MICU1: variants seen among roughly 807,000 people sequenced by gnomAD.
The protein encoded by MICU1 is calcium uptake protein 1, mitochondrial.
In MICU1, 45 loss-of-function variants were observed where a neutral mutation model predicts 56.8. The ratio of observed to expected loss-of-function variants is 0.79; its 90% CI spans 0.62 to 1.02. The LOEUF (loss-of-function observed/expected upper bound fraction) is 1.02, where lower values mean the gene tolerates loss of function less well. Ranked by LOEUF, MICU1 falls within the 50% of genes least tolerant of loss-of-function variation. The pLI, the probability that MICU1 is intolerant of heterozygous loss-of-function variation, is 0.00. For missense variants in MICU1, 504 were observed against 587.1 expected, an observed-to-expected ratio of 0.86 and a Z score of 1.46; for synonymous variants, 186 against 195.1, an observed-to-expected ratio of 0.95 and a Z score of 0.39.
At chr10:72,563,848 C>A (rs1840358590) in intron 2 of MICU1, among the ~76,000 whole-genome samples, 2 of 152,140 alleles carry the variant, frequency 1.3e-5, no homozygotes, top group South Asian at 4.1e-4. Context: ...TCTTCCCATT[C>A]TCATTCTCCC....
At chr10:72,570,470 A>G (rs924694205) in intron 1 of MICU1, among the ~76,000 whole-genome samples, 1 of 152,200 alleles carries the variant, frequency 6.6e-6, no homozygotes, top group Non-Finnish European at 1.5e-5. Context: ...ACATTTAAGT[A>G]TACTCTAAGT....
At chr10:72,602,724 T>C (rs1018693107) in intron 1 of MICU1, among the ~76,000 whole-genome samples, 24 of 152,242 alleles carry the variant, frequency 1.6e-4, no homozygotes, top group African/African-American at 5.5e-4. Flanking sequence ...GCATATCTTA[T>C]GGACTTCCTT....
chr10:72,500,293 TATA>T (rs1867013841), intron 6 of MICU1, among the ~76,000 whole-genome samples: 2 of 9,666 alleles, frequency 2.1e-4, no homozygotes, highest in Non-Finnish European at 9.4e-4. Context: ...TATATATATA[TATA>T]TATATATTTT....
chr10:72,481,275 C>G (rs531552238), intron 6 of MICU1, among the ~76,000 whole-genome samples: 230 of 152,280 alleles, frequency 1.5e-3, no homozygotes, highest in Non-Finnish European at 2.3e-3. Flanking sequence ...TTATTTGTCT[C>G]CTCTCAAATG....
At position 72,475,258 on chromosome 10, in the gene MICU1, G is replaced by A. The variant is rs367648335; in HGVS notation, c.775C>T (p.Arg259Cys). ...IIRSQTSMGM[R>C]HRDRPTTGNT... ...CCAGTAGTTGGACGATCTCTGTGGC[G>A]CATACCCATACTGGTTTGGGAGCGA... Residue 259 changes from arginine to cysteine, a missense_variant, in exon 8 of 12, where the codon CGC (arginine) becomes TGC (cysteine). Arg to Cys is a radical substitution (Grantham distance 180). Coordinates refer to ENST00000361114, the MANE Select transcript of MICU1 (RefSeq NM_001195518.2). 11 of 1,608,370 alleles carry A rather than the reference G, an allele frequency of 6.8e-6. No individual in the cohort carries two copies. The highest frequency in any genetic ancestry group is 2.7e-5 in the African/African-American group (2 of 74,826).
chr10:72,476,962 T>C (rs1033081133), intron 7 of MICU1, among the ~76,000 whole-genome samples: 1 of 152,158 alleles, frequency 6.6e-6, no homozygotes, highest in Admixed American at 6.5e-5. Flanking sequence ...ACCTTAACGG[T>C]ATGTTCAAAT....
chr10:72,517,548 C>T (rs1308295797), intron 5 of MICU1, among the ~76,000 whole-genome samples: 3 of 152,068 alleles, frequency 2.0e-5, no homozygotes, highest in Non-Finnish European at 4.4e-5. Context: ...TGTATGTTCT[C>T]ATTCATAAGT....
chr10:72,568,179 C>T (rs192313440), intron 1 of MICU1, among the ~76,000 whole-genome samples: 7 of 152,040 alleles, frequency 4.6e-5, no homozygotes, highest in Admixed American at 4.6e-4. Flanking sequence ...GGAAGCCCTC[C>T]TCCCTACCAG....
At chr10:72,531,169 T>C (rs1839470585) in intron 5 of MICU1, among the ~76,000 whole-genome samples, 1 of 152,088 alleles carries the variant, frequency 6.6e-6, no homozygotes, top group Non-Finnish European at 1.5e-5. Flanking sequence ...TAAGATTTAA[T>C]AGTTTATCTT....
chr10:72,429,274 G>C (rs1173248957), intron 8 of MICU1, among the ~76,000 whole-genome samples: 1 of 151,898 alleles, frequency 6.6e-6, no homozygotes, highest in African/African-American at 2.4e-5. Context: ...ATAAAAATTA[G>C]CCGGGTCTGG....
At chr10:72,573,307 C>CAAAAAAAAAAAAAA (rs58866778) in intron 1 of MICU1, among the ~76,000 whole-genome samples, 2 of 21,036 alleles carry the variant, frequency 9.5e-5, no homozygotes, top group African/African-American at 2.2e-4. Context: ...CCCATCACTA[C>CAAAAAAAAAAAAAA]AAAAAAAAAA....
chr10:72,410,096 G>A (rs1417973762), intron 9 of MICU1, among the ~76,000 whole-genome samples: 1 of 152,106 alleles, frequency 6.6e-6, no homozygotes, highest in African/African-American at 2.4e-5. Context: ...ATCTGTTGTG[G>A]AACAGTAGAA....
intron 11 of MICU1, among the ~76,000 whole-genome samples, chr10:72,372,667 T>C (rs1862383766): frequency 6.6e-6 from 1 of 151,804 alleles, no homozygotes; most frequent in Admixed American, 6.6e-5. Context: ...GGTGAAACCC[T>C]GTCTCTACTA....
intron 1 of MICU1, among the ~76,000 whole-genome samples, chr10:72,575,060 T>TTC (rs377486224): frequency 6.6e-6 from 1 of 152,150 alleles, no homozygotes; most frequent in African/African-American, 2.4e-5. Flanking sequence ...GTTCTGTCTT[T>TTC]TCTCTCTCTC....
intron 1 of MICU1, among the ~76,000 whole-genome samples, chr10:72,616,668 C>T (rs1199273622): frequency 7.0e-6 from 1 of 142,154 alleles, no homozygotes; most frequent in African/African-American, 2.6e-5. Context: ...AAAAAAAAAA[C>T]ACACTATTCC....
At chr10:72,517,414 T>C (rs1867679383) in intron 5 of MICU1, among the ~76,000 whole-genome samples, 1 of 112,944 alleles carries the variant, frequency 8.9e-6, no homozygotes, top group Non-Finnish European at 2.5e-5. Context: ...AACTGTGGAA[T>C]ATGCATACGA....
intron 9 of MICU1, among the ~76,000 whole-genome samples, chr10:72,410,776 C>T (rs1333485354): frequency 6.6e-6 from 1 of 152,144 alleles, no homozygotes; most frequent in East Asian, 1.9e-4. Flanking sequence ...TTAGAGCACC[C>T]AGAGTTAGGT....
At chr10:72,601,254 T>C (rs1157136291) in intron 1 of MICU1, among the ~76,000 whole-genome samples, 1 of 151,840 alleles carries the variant, frequency 6.6e-6, no homozygotes, top group Non-Finnish European at 1.5e-5. Context: ...AGACCCTGTA[T>C]CTACAAAAAC....
rs1339425453 is a variant in MICU1, at chr10:72,603,603, G to A, written c.-2+22407C>T. Among the ~76,000 whole-genome samples, 6 of 151,998 alleles carry A rather than the reference G, an allele frequency of 3.9e-5. No homozygotes were observed. In the East Asian group the frequency reaches 7.8e-4, roughly 20 times the overall value. On this transcript the variant is annotated intron_variant, in intron 1 of 11. Coordinates refer to ENST00000361114, the MANE Select transcript of MICU1 (RefSeq NM_001195518.2). ...ATGGATCACCTGAGGTCAGGAGTTC[G>A]ACACCAGCCTGACCAACATAGAGAA...
Sources: gnomAD v4.1 joint callset for allele counts (sites outside exome capture counted in the v4.1 genomes callset) on GRCh38, gnomAD v4.1.1 for gene constraint, MANE v1.5 for transcripts, NCBI Gene and HGNC (gene_info 2026-07-23, HGNC 2026-07-21) for gene names.